LRP1B: variants seen among roughly 807,000 people sequenced by gnomAD.
LRP1B encodes the protein low-density lipoprotein receptor-related protein 1B.
In LRP1B, 217 loss-of-function variants were observed where a neutral mutation model predicts 556.6. The observed-to-expected ratio is 0.39, with a 90% CI of 0.35 to 0.44. The LOEUF (loss-of-function observed/expected upper bound fraction) is 0.44, where lower values mean the gene tolerates loss of function less well. LRP1B is among the 20% of genes least tolerant of loss of function. The pLI, the probability that LRP1B is intolerant of heterozygous loss-of-function variation, is 1.00. For missense variants in LRP1B, 5,053 were observed against 5,620.8 expected, an observed-to-expected ratio of 0.90 and a Z score of 3.23; for synonymous variants, 2,047 against 1,865.8, an observed-to-expected ratio of 1.10 and a Z score of -2.50.
At chr2:141,670,441 A>G (rs149326006) in intron 2 of LRP1B, among the ~76,000 whole-genome samples, 68 of 152,316 alleles carry the variant, frequency 4.5e-4, no homozygotes, top group African/African-American at 1.6e-3. Flanking sequence ...GGATTGAAGG[A>G]AGAATTTTAT....
At chr2:141,110,717 C>T (rs112271107) in intron 7 of LRP1B, among the ~76,000 whole-genome samples, 7 of 151,642 alleles carry the variant, frequency 4.6e-5, no homozygotes, top group African/African-American at 9.7e-5. Flanking sequence ...AGGGAATGTA[C>T]GATAGTTTCA....
chr2:140,929,723 GACACT>G (rs1199591021), intron 20 of LRP1B, among the ~76,000 whole-genome samples: 1 of 145,070 alleles, frequency 6.9e-6, no homozygotes, highest in African/African-American at 2.5e-5. Flanking sequence ...TATCTGCTTG[GACACT>G]TAAAGTTTAT....
chr2:142,127,767 G>T (rs17831833), intron 1 of LRP1B, among the ~76,000 whole-genome samples: 22,632 of 151,942 alleles, frequency 0.15, 1,833 homozygotes, highest in Middle Eastern at 0.28. Flanking sequence ...ATAACAGCAT[G>T]AACTTTAATT....
chr2:142,016,820 GTATA>G (rs914337425), intron 1 of LRP1B, among the ~76,000 whole-genome samples: 15 of 112,986 alleles, frequency 1.3e-4, no homozygotes, highest in African/African-American at 4.1e-4. Context: ...AGAACTTAAA[GTATA>G]TATATATATT....
chr2:141,672,681 A>G (rs990685740), intron 2 of LRP1B, among the ~76,000 whole-genome samples: 10 of 152,206 alleles, frequency 6.6e-5, no homozygotes, highest in African/African-American at 2.4e-4. Flanking sequence ...ATGACTAGGG[A>G]AAAATGCATA....
chr2:142,095,573 T>C (rs1339849196), intron 1 of LRP1B, among the ~76,000 whole-genome samples: 1 of 151,744 alleles, frequency 6.6e-6, no homozygotes, highest in Non-Finnish European at 1.5e-5. Flanking sequence ...ATTCTGAGAG[T>C]ACCCATAGGG....
At chr2:141,073,755 C>G (rs371900473) in intron 7 of LRP1B, among the ~76,000 whole-genome samples, 3 of 152,188 alleles carry the variant, frequency 2.0e-5, no homozygotes, top group Admixed American at 6.6e-5. Context: ...ATTCCAGAAA[C>G]GAAGGCATTC....
intron 12 of LRP1B, 104 bp from the exon 13 acceptor site, chr2:141,016,019 C>G: frequency 1.2e-6 from 1 of 814,424 alleles, no homozygotes; most frequent in Non-Finnish European, 2.1e-6. Flanking sequence ...TAGTTTCATT[C>G]TGATTTGTCC....
intron 2 of LRP1B, among the ~76,000 whole-genome samples, chr2:141,596,914 G>C (rs1231185345): frequency 6.6e-6 from 1 of 151,730 alleles, no homozygotes; most frequent in Non-Finnish European, 1.5e-5. Flanking sequence ...ATGATGAATG[G>C]TTATTTTATG....
intron 1 of LRP1B, among the ~76,000 whole-genome samples, chr2:141,952,591 G>A (rs550251914): frequency 6.6e-5 from 10 of 152,218 alleles, no homozygotes; most frequent in African/African-American, 2.2e-4. Flanking sequence ...TAAAGAGAGA[G>A]GCTTTAGGAG....
chr2:140,577,027 G>A (rs563031424), intron 43 of LRP1B, among the ~76,000 whole-genome samples: 1 of 151,598 alleles, frequency 6.6e-6, no homozygotes, highest in Admixed American at 6.6e-5. Context: ...AGTTAGTAGT[G>A]AGTGGACAAA....
At chr2:141,270,500 AT>A (rs1388672588) in intron 3 of LRP1B, among the ~76,000 whole-genome samples, 1 of 152,126 alleles carries the variant, frequency 6.6e-6, no homozygotes, top group Non-Finnish European at 1.5e-5. Context: ...TAGCAGTGTT[AT>A]TCACAATAAA....
chr2:140,751,056 G>A (rs1280872821), intron 35 of LRP1B, among the ~76,000 whole-genome samples: 2 of 136,022 alleles, frequency 1.5e-5, no homozygotes, highest in Non-Finnish European at 3.1e-5. Flanking sequence ...GCAATGGCGT[G>A]ATCTCGGCTC....
chr2:140,668,145 T>C (rs1685345985), intron 41 of LRP1B, among the ~76,000 whole-genome samples: 1 of 151,786 alleles, frequency 6.6e-6, no homozygotes, highest in African/African-American at 2.4e-5. Context: ...ACCCCGTCTC[T>C]ACTAAAAATA....
At chr2:140,323,752 CTA>C (rs1680294302) in intron 81 of LRP1B, 139 bp downstream of exon 81, 1 of 416,464 alleles carries the variant, frequency 2.4e-6, no homozygotes, top group Non-Finnish European at 4.3e-6. Flanking sequence ...TTGAAAAAGT[CTA>C]GTGACATCAA....
chr2:141,181,942 G>A (rs1307510939), intron 7 of LRP1B, among the ~76,000 whole-genome samples: 3 of 151,910 alleles, frequency 2.0e-5, no homozygotes, highest in Non-Finnish European at 4.4e-5. Context: ...CCTTTGAACC[G>A]CTAAGTTCAG....
At chr2:141,837,063 A>G (rs1020223074) in intron 1 of LRP1B, among the ~76,000 whole-genome samples, 1 of 151,980 alleles carries the variant, frequency 6.6e-6, no homozygotes, top group African/African-American at 2.4e-5. Flanking sequence ...ATCCAGAAAA[A>G]TGGGATTATA....
chr2:141,425,427 A>T lies in LRP1B; in HGVS notation c.343+54969T>A, dbSNP rs901467059. ...CAGCATGACTTATATTCCTTTGGGT[A>T]TATACCCAGTAATGGGATGGCTGGG... On this transcript the variant is annotated intron_variant, in intron 3 of 90. Coordinates refer to ENST00000389484, the MANE Select transcript of LRP1B (RefSeq NM_018557.3). Among the ~76,000 whole-genome samples, 5 of 151,008 alleles carry T rather than the reference A, an allele frequency of 3.3e-5. No homozygotes were observed. In the East Asian group the frequency reaches 9.7e-4, roughly 29 times the overall value.
intron 35 of LRP1B, among the ~76,000 whole-genome samples, chr2:140,756,657 T>C (rs1351847462): frequency 6.6e-6 from 1 of 152,162 alleles, no homozygotes; most frequent in Non-Finnish European, 1.5e-5. Context: ...CATATGTGTA[T>C]AGCAAAATTA....
Sources: gnomAD v4.1 joint callset for allele counts (sites outside exome capture counted in the v4.1 genomes callset) on GRCh38, gnomAD v4.1.1 for gene constraint, MANE v1.5 for transcripts, NCBI Gene and HGNC (gene_info 2026-07-23, HGNC 2026-07-21) for gene names.